Variants in NDST3 observed in about 807,000 individuals in gnomAD.
NDST3 encodes the protein N-deacetylase and N-sulfotransferase 3, also known as bifunctional heparan sulfate N-deacetylase/N-sulfotransferase 3.
In NDST3, 58 loss-of-function variants were observed where a neutral mutation model predicts 96.1. That is an observed-to-expected ratio of 0.60 (90% CI 0.49 to 0.75). The LOEUF (loss-of-function observed/expected upper bound fraction) is 0.75, where lower values mean the gene tolerates loss of function less well. Among genes scored for constraint, NDST3 ranks in the 30% least tolerant of loss-of-function variants. The pLI, the probability that NDST3 is intolerant of heterozygous loss-of-function variation, is 0.00. For missense variants in NDST3, 788 were observed against 1,034.2 expected (o/e 0.76, Z 3.27); for synonymous variants, 333 against 359.7 (o/e 0.93, Z 0.84).
At chr4:118,163,406 G>T (rs979947621) in intron 6 of NDST3, among the ~76,000 whole-genome samples, 12 of 152,214 alleles carry the variant, frequency 7.9e-5, no homozygotes, top group Non-Finnish European at 1.8e-4. Flanking sequence ...ATACACCATG[G>T]AATACTATGC....
intron 6 of NDST3, among the ~76,000 whole-genome samples, chr4:118,156,482 A>G (rs552401521): frequency 6.6e-6 from 1 of 152,292 alleles, no homozygotes; most frequent in Non-Finnish European, 1.5e-5. Context: ...ACACTGCAAA[A>G]GTTTTGGCAC....
At chr4:118,196,396 T>C (rs959129004) in intron 6 of NDST3, among the ~76,000 whole-genome samples, 6 of 152,202 alleles carry the variant, frequency 3.9e-5, no homozygotes, top group African/African-American at 1.4e-4. Flanking sequence ...TCCTCTATTT[T>C]TTCAGAATTG....
At chr4:118,116,281 A>C (rs1207400459) in intron 4 of NDST3, among the ~76,000 whole-genome samples, 1 of 152,186 alleles carries the variant, frequency 6.6e-6, no homozygotes, top group Non-Finnish European at 1.5e-5. Flanking sequence ...GAAAAAGAGA[A>C]AGGGATTTGT....
intron 4 of NDST3, among the ~76,000 whole-genome samples, chr4:118,137,057 A>G (rs1402175808): frequency 6.6e-6 from 1 of 152,202 alleles, no homozygotes. Flanking sequence ...CCATACCTCT[A>G]ACTTTTTCCA....
At position 118,053,910 on chromosome 4, in the gene NDST3, C is replaced by G. The variant is rs151249234; in HGVS notation, c.-1C>G. 7.4e-4 allele frequency: 1,183 copies of G among 1,591,266 alleles called. 12 individuals carry two copies. The African/African-American group carries it at 0.014, about 19-fold the overall frequency. On this transcript the variant is annotated 5_prime_UTR_variant, in exon 2 of 14. Transcript: ENST00000296499. Reference sequence around the variant, plus strand: ...GCATAGTTGGGGAAAGCACCTACAACATGAGTTTTATCATGAAGCTTCACA... The same window carrying G: ...GCATAGTTGGGGAAAGCACCTACAAGATGAGTTTTATCATGAAGCTTCACA...
chr4:118,186,911 T>C (rs192596899), intron 6 of NDST3, among the ~76,000 whole-genome samples: 1 of 152,332 alleles, frequency 6.6e-6, no homozygotes, highest in East Asian at 1.9e-4. Flanking sequence ...GAGAGACCAT[T>C]TGACATTCTT....
intron 6 of NDST3, among the ~76,000 whole-genome samples, chr4:118,182,881 A>T (rs1736693044): frequency 6.6e-6 from 1 of 152,186 alleles, no homozygotes; most frequent in South Asian, 2.1e-4. Flanking sequence ...TTGAGCAACA[A>T]CCTTAGAAAG....
chr4:118,160,453 T>A (rs1183463689), intron 6 of NDST3, among the ~76,000 whole-genome samples: 2 of 149,464 alleles, frequency 1.3e-5, no homozygotes, highest in East Asian at 3.9e-4. Context: ...TATAAGGAAC[T>A]TAAACAAATT....
chr4:118,143,169 T>G (rs1733688981), intron 5 of NDST3, among the ~76,000 whole-genome samples: 1 of 152,220 alleles, frequency 6.6e-6, no homozygotes, highest in African/African-American at 2.4e-5. Flanking sequence ...TTCTTAAAAT[T>G]ATTGCCTATT....
At chr4:118,242,401 T>TA (rs1336176882) in intron 12 of NDST3, among the ~76,000 whole-genome samples, 1 of 152,194 alleles carries the variant, frequency 6.6e-6, no homozygotes, top group African/African-American at 2.4e-5. Context: ...TGGTAAATCT[T>TA]AAAACAAACC....
intron 2 of NDST3, among the ~76,000 whole-genome samples, chr4:118,067,865 TA>T (rs1726722512): frequency 6.6e-6 from 1 of 151,886 alleles, no homozygotes; most frequent in Non-Finnish European, 1.5e-5. Context: ...GGCACATGTA[TA>T]CCTATATAAC....
rs1224624824 is a variant in NDST3, at chr4:118,146,965, T to A, written c.1539+3281T>A. 2.0e-5 allele frequency among the ~76,000 whole-genome samples: 3 copies of A among 152,344 alleles called. No homozygotes were observed. The East Asian group carries it at 5.8e-4, about 29-fold the overall frequency. ...GATCCTACTATAGGAAAAGAATATG[T>A]TAATCATAGGAACTTGTACTCTCTG... is the stretch of plus-strand genomic sequence containing the variant. On this transcript the variant is annotated intron_variant, in intron 6 of 13. Transcript: ENST00000296499.
At chr4:118,043,594 T>C (rs1327540564) in intron 1 of NDST3, among the ~76,000 whole-genome samples, 2 of 152,244 alleles carry the variant, frequency 1.3e-5, no homozygotes, top group South Asian at 2.1e-4. Context: ...ATCTGCATGA[T>C]GCCTCACAAG....
At chr4:118,126,656 G>C (rs1049096303) in intron 4 of NDST3, among the ~76,000 whole-genome samples, 1 of 151,818 alleles carries the variant, frequency 6.6e-6, no homozygotes, top group Non-Finnish European at 1.5e-5. Context: ...ACGAACATGA[G>C]AGTGCAGATA....
intron 6 of NDST3, among the ~76,000 whole-genome samples, chr4:118,152,712 C>T (rs1450040222): frequency 6.6e-6 from 1 of 152,198 alleles, no homozygotes; most frequent in Non-Finnish European, 1.5e-5. Context: ...CTTTTCTGTA[C>T]TCCTGACTAA....
In NDST3 at chr4:118,255,776, A is replaced by G. The variant is rs969639948; in HGVS notation, c.*64A>G. 5 of 1,468,276 alleles carry G rather than the reference A, an allele frequency of 3.4e-6. No homozygotes were observed. Among genetic ancestry groups the G allele is most frequent in the Non-Finnish European group, 4.5e-6 (5 of 1,099,130 alleles). The allele number at this position is 1,468,276 out of a possible 1,614,324, so 91.0% of individuals were successfully genotyped here. A position where few individuals can be genotyped will look rare whatever the true frequency, so the allele number is the denominator to read the frequency against. On this transcript the variant is annotated 3_prime_UTR_variant, in exon 14 of 14. Coordinates refer to ENST00000296499, the MANE Select transcript of NDST3 (RefSeq NM_004784.3). ...ACACACCTTTTCCAAAGCTTCCAGAAGCTACCAAAAGGCAGTTGAAAAATA... is the reference window on the plus strand; with the variant it reads ...ACACACCTTTTCCAAAGCTTCCAGAGGCTACCAAAAGGCAGTTGAAAAATA...
chr4:118,059,641 C>A (rs1725734901), intron 2 of NDST3, among the ~76,000 whole-genome samples: 1 of 66,724 alleles, frequency 1.5e-5, no homozygotes, highest in African/African-American at 3.6e-5. Context: ...CGAATATTCA[C>A]CACCCCAGCT....
intron 2 of NDST3, among the ~76,000 whole-genome samples, chr4:118,070,080 G>T (rs1241285985): frequency 1.3e-5 from 2 of 152,040 alleles, no homozygotes; most frequent in Admixed American, 1.3e-4. Flanking sequence ...TGCAAAGATG[G>T]CAATGAAATA....
intron 2 of NDST3, among the ~76,000 whole-genome samples, chr4:118,061,343 C>T (rs1048580103): frequency 6.6e-6 from 1 of 152,126 alleles, no homozygotes; most frequent in African/African-American, 2.4e-5. Flanking sequence ...GTTGCAACCT[C>T]TAAATCTCCC....
Sources: allele counts gnomAD v4.1 joint callset (sites outside exome capture counted in the v4.1 genomes callset), GRCh38; gene constraint gnomAD v4.1.1; transcripts MANE v1.5; gene names NCBI Gene and HGNC (gene_info 2026-07-23, HGNC 2026-07-21).